The following TRMT44 variants were observed in gnomAD, a reference collection of about 807,000 sequenced individuals.
The protein encoded by TRMT44 is tRNA methyltransferase 44 homolog, also known as probable tRNA (uracil-O(2)-)-methyltransferase.
In TRMT44, 78 loss-of-function variants were observed where a neutral mutation model predicts 77.3. The ratio of observed to expected loss-of-function variants is 1.01; its 90% CI spans 0.84 to 1.22. TRMT44 has a LOEUF of 1.22. Ranked by LOEUF, TRMT44 falls within the 50% of genes most tolerant of loss-of-function variation. The probability of loss-of-function intolerance (pLI) is 0.00; values close to 1 mark genes in which losing one functional copy is unlikely to be tolerated. For synonymous variants in TRMT44, 391 were observed against 383.3 expected (o/e 1.02, Z -0.23); for missense variants, 1,090 against 964.4 (o/e 1.13, Z -1.73).
intron 1 of TRMT44, among the ~76,000 whole-genome samples, chr4:8,445,851 A>T (rs1725023540): frequency 6.6e-6 from 1 of 152,038 alleles, no homozygotes; most frequent in African/African-American, 2.4e-5. Flanking sequence ...ATTTTTTTTT[A>T]ATATCAAAGG....
Position 8,451,235 on chromosome 4 carries a change from T to C in TRMT44, c.955-725T>C, listed in dbSNP as rs976471031. 2.0e-5 allele frequency among the ~76,000 whole-genome samples: 3 copies of C among 152,146 alleles called. No homozygotes were observed. Among genetic ancestry groups the C allele is most frequent in the African/African-American group, 7.2e-5 (3 of 41,432 alleles). On this transcript the variant is annotated intron_variant, in intron 3 of 10. Coordinates refer to ENST00000389737, the MANE Select transcript of TRMT44 (RefSeq NM_152544.3). The surrounding 1 kb of genome is among the most constrained non-coding windows in gnomAD (Gnocchi z 4.1). Reference sequence around the variant, plus strand: ...ATCCTGGCCTCGTGGTCCTTTGCCATCTTGTTAGCTATTTGGTACCGTCCA... The same window carrying C: ...ATCCTGGCCTCGTGGTCCTTTGCCACCTTGTTAGCTATTTGGTACCGTCCA...
chr4:8,471,072 G>T lies in TRMT44; in HGVS notation c.1928-12G>T, dbSNP rs764509466. On this transcript the variant is annotated splice_polypyrimidine_tract_variant and intron_variant, in intron 9 of 10. Transcript: ENST00000389737. ...GTTGTTTTGGGGAAAAAAAAAACCC[G>T]TTTTTCCACAGAGAGCCTATCTCTG... 7 of 1,566,342 alleles carry T rather than the reference G, an allele frequency of 4.5e-6. No individual in the cohort carries two copies. The highest frequency in any genetic ancestry group is 6.0e-6 in the Non-Finnish European group (7 of 1,158,952).
At chr4:8,494,234 C>T (rs1412353415), downstream of TRMT44, among the ~76,000 whole-genome samples, 1 of 152,024 alleles carries the variant, frequency 6.6e-6, no homozygotes, top group African/African-American at 2.4e-5. Flanking sequence ...GCATACCTCC[C>T]TCACAATTTG....
At chr4:8,471,369 T>C (rs1726984547) in intron 10 of TRMT44, among the ~76,000 whole-genome samples, 169 bp downstream of exon 10, 1 of 152,156 alleles carries the variant, frequency 6.6e-6, no homozygotes, top group South Asian at 2.1e-4. Flanking sequence ...GACCTCAGGG[T>C]GGGACGTGGG....
intron 2 of TRMT44, among the ~76,000 whole-genome samples, chr4:8,447,716 A>G (rs765655901): frequency 1.3e-5 from 2 of 152,226 alleles, no homozygotes; most frequent in Non-Finnish European, 2.9e-5. Flanking sequence ...TTTGAGAACC[A>G]TCCAGAGGTT....
In TRMT44 at chr4:8,486,120, G is replaced by C. The variant is rs1727795557; in HGVS notation, n.3891+6587G>C. Among the ~76,000 whole-genome samples the C allele has an allele frequency of 2.6e-5, 4 of 152,180 alleles. No homozygotes were observed. The South Asian group carries it at 8.3e-4, about 32-fold the overall frequency. The stretch of plus-strand genomic sequence containing the variant: ...CAGAGTTCCAGGGGCTCTGGGAGTG[G>C]CTGCCAGGTGAGTTGAACAGTCCAG... On this transcript the variant is annotated intron_variant and non_coding_transcript_variant, in intron 2 of 2. Transcript: ENST00000511366.
intron 6 of TRMT44, among the ~76,000 whole-genome samples, chr4:8,455,531 C>T (rs1579052901): frequency 2.0e-5 from 3 of 152,236 alleles, no homozygotes; most frequent in Admixed American, 6.5e-5. Flanking sequence ...GGACTTGAAA[C>T]AGTCTCACTT....
At chr4:8,487,423 G>A (rs757436086) in intron 2 of TRMT44, among the ~76,000 whole-genome samples, 18 of 152,000 alleles carry the variant, frequency 1.2e-4, no homozygotes, top group South Asian at 2.1e-4. Context: ...GGGTCGGATC[G>A]TGGAAATAAG....
intron 6 of TRMT44, 187 bp downstream of exon 6, chr4:8,455,000 C>G (rs1414236481): frequency 1.6e-6 from 1 of 621,452 alleles, no homozygotes; most frequent in African/African-American, 1.8e-5. Context: ...ACAGAACCTT[C>G]TGGTTAAACT....
intron 2 of TRMT44, among the ~76,000 whole-genome samples, chr4:8,491,197 C>T (rs1412337580): frequency 6.6e-6 from 1 of 152,114 alleles, no homozygotes; most frequent in Non-Finnish European, 1.5e-5. Flanking sequence ...TCTCCAAGGC[C>T]CCACCAGAGC....
chr4:8,479,416 A>G (rs912677390), downstream of TRMT44: 4 of 151,978 alleles, frequency 2.6e-5, no homozygotes, highest in African/African-American at 4.8e-5. Flanking sequence ...GCGCTCATGG[A>G]TGAGACAGCC....
intron 3 of TRMT44, among the ~76,000 whole-genome samples, chr4:8,450,878 G>C (rs1329429026): frequency 6.8e-6 from 1 of 147,758 alleles, no homozygotes; most frequent in African/African-American, 2.5e-5. Context: ...GCTCACTGGA[G>C]ACTCAACCTC....
intron 6 of TRMT44, among the ~76,000 whole-genome samples, chr4:8,456,426 A>G (rs1478115895): frequency 6.6e-6 from 1 of 152,174 alleles, no homozygotes; most frequent in African/African-American, 2.4e-5. Context: ...AAGCAGAGAA[A>G]AGTTACGGCA....
rs73211351 is a variant in TRMT44 at position 8,441,585 on chromosome 4, G to A, written c.619+144G>A. 8,623 of 991,836 alleles carry A rather than the reference G, an allele frequency of 8.7e-3. 84 individuals carry two copies. The highest frequency in any genetic ancestry group is 0.031 in the Middle Eastern group (108 of 3,464). 61.4% of individuals were successfully genotyped at this position (991,836 alleles called of 1,614,324 possible). A position where few individuals can be genotyped will look rare whatever the true frequency, so the allele number is the denominator to read the frequency against. ...AGGTGTTTCATAGTTTTTTGAGTGG[G>A]CGCATAGAAATGTGTGTCCTTAGTA... On this transcript the variant is annotated intron_variant, in intron 1 of 10. Coordinates refer to ENST00000389737, the MANE Select transcript of TRMT44 (RefSeq NM_152544.3).
At chr4:8,479,715 C>T (rs572488397), downstream of TRMT44, among the ~76,000 whole-genome samples, 1 of 152,248 alleles carries the variant, frequency 6.6e-6, no homozygotes, top group Admixed American at 6.5e-5. Context: ...GAACAACACA[C>T]TTAGGCCACA....
chr4:8,472,847 C>T (rs1727111510), intron 10 of TRMT44, among the ~76,000 whole-genome samples: 1 of 152,142 alleles, frequency 6.6e-6, no homozygotes, highest in Non-Finnish European at 1.5e-5. Context: ...GAGCTTTAGG[C>T]AGTTAGAATA....
chr4:8,498,979 G>A, the TRMT44 span, among the ~76,000 whole-genome samples: 13 of 152,226 alleles, frequency 8.5e-5, no homozygotes, highest in East Asian at 3.9e-4. The surrounding 1 kb of genome is among the most constrained non-coding windows in gnomAD (Gnocchi z 4.3). Context: ...GGGGTCCCTC[G>A]TGGGAGGTGA....
chr4:8,487,898 T>C (rs1727867960), intron 2 of TRMT44, among the ~76,000 whole-genome samples: 1 of 152,100 alleles, frequency 6.6e-6, no homozygotes, highest in Non-Finnish European at 1.5e-5. Context: ...CCTGCAATGA[T>C]TAAACACCAA....
Position 8,452,094 on chromosome 4 carries a change from G to A in TRMT44, c.1023+66G>A, listed in dbSNP as rs562543374. ...AGTTTGCTACAGGCAGATGTTCCCT[G>A]TAGTGAAGGACATTTTCCAAATCCA... On this transcript the variant is annotated intron_variant, in intron 4 of 10. Coordinates refer to ENST00000389737, the MANE Select transcript of TRMT44 (RefSeq NM_152544.3). The surrounding 1 kb of genome is among the most constrained non-coding windows in gnomAD (Gnocchi z 5.7). The A allele has an allele frequency of 2.6e-5, 36 of 1,386,260 alleles. No individual in the cohort carries two copies. In the African/African-American group the frequency reaches 3.9e-4, roughly 15 times the overall value. 85.9% of individuals were successfully genotyped at this position (1,386,260 alleles called of 1,614,324 possible). A position where few individuals can be genotyped will look rare whatever the true frequency, so the allele number is the denominator to read the frequency against.
Sources: allele counts gnomAD v4.1 joint callset (sites outside exome capture counted in the v4.1 genomes callset), GRCh38; gene constraint gnomAD v4.1.1; non-coding constraint Gnocchi (gnomAD v3.1); transcripts MANE v1.5; gene names NCBI Gene and HGNC (gene_info 2026-07-23, HGNC 2026-07-21).